The following GALNT13 variants were observed in gnomAD, a reference collection of about 807,000 sequenced individuals.
GALNT13 encodes UDP-GalNAc:polypeptide N-acetylgalactosaminyltransferase 13.
Under a neutral mutation model 64.2 loss-of-function variants are expected in GALNT13, and 28 were observed. The observed-to-expected ratio is 0.44, with a 90% CI of 0.32 to 0.60. GALNT13 has a LOEUF of 0.60. Ranked by LOEUF, GALNT13 falls within the 20% of genes least tolerant of loss-of-function variation. The pLI is 0.05. For missense variants in GALNT13, 577 were observed against 669.8 expected, an observed-to-expected ratio of 0.86 and a Z score of 1.53; for synonymous variants, 214 against 224.6, an observed-to-expected ratio of 0.95 and a Z score of 0.42.
the GALNT13 span, among the ~76,000 whole-genome samples, chr2:153,373,489 G>A: frequency 1.3e-5 from 2 of 152,048 alleles, 1 homozygote; most frequent in South Asian, 4.1e-4. Flanking sequence ...CTTCTGACCT[G>A]AGGATCCCTA....
chr2:154,416,316 GCCT>G (rs1403784210), intron 11 of GALNT13, among the ~76,000 whole-genome samples: 13 of 151,998 alleles, frequency 8.6e-5, no homozygotes, highest in Middle Eastern at 3.4e-3. Flanking sequence ...AGTTCATTGA[GCCT>G]TCTTCTTGCA....
the GALNT13 span, among the ~76,000 whole-genome samples, chr2:153,212,679 C>G: frequency 6.6e-6 from 1 of 152,098 alleles, no homozygotes; most frequent in Admixed American, 6.5e-5. Flanking sequence ...CATAATTAAA[C>G]AAAATAGAAT....
At chr2:154,150,739 G>C (rs974405298) in intron 4 of GALNT13, among the ~76,000 whole-genome samples, 4 of 152,202 alleles carry the variant, frequency 2.6e-5, no homozygotes, top group African/African-American at 9.7e-5. Flanking sequence ...AGTATTCTCA[G>C]ATGGTAGTTT....
intron 8 of GALNT13, among the ~76,000 whole-genome samples, chr2:154,261,763 A>C (rs1488743580): frequency 1.3e-5 from 2 of 152,092 alleles, no homozygotes; most frequent in Non-Finnish European, 2.9e-5. Context: ...TTCCTTTATA[A>C]ATTTATGTGT....
chr2:154,403,277 A>C (rs565962551), intron 10 of GALNT13, among the ~76,000 whole-genome samples: 1 of 152,042 alleles, frequency 6.6e-6, no homozygotes, highest in South Asian at 2.1e-4. Context: ...GCATGGTAAA[A>C]CCGCATTTCT....
chr2:154,360,662 G>T (rs960932887), intron 9 of GALNT13, among the ~76,000 whole-genome samples: 33 of 152,272 alleles, frequency 2.2e-4, no homozygotes, highest in African/African-American at 7.7e-4. Context: ...TGTCTCATAA[G>T]TCTATTGTCA....
In GALNT13 at chr2:154,280,750, C is replaced by T. The variant is rs79753819; in HGVS notation, c.976-20659C>T. ...TGGTTTGGCATGAATTCTAGGGCAG[C>T]GTCACGCAGCTGTCATGAGCCACTC... is the stretch of plus-strand genomic sequence containing the variant. On this transcript the variant is annotated intron_variant, in intron 8 of 12. Transcript: ENST00000392825. Among the ~76,000 whole-genome samples, 993 of 152,244 alleles carry T rather than the reference C, an allele frequency of 6.5e-3. 10 individuals carry two copies. Among genetic ancestry groups the T allele is most frequent in the African/African-American group, 0.023 (952 of 41,542 alleles).
the GALNT13 span, among the ~76,000 whole-genome samples, chr2:153,220,177 T>G: frequency 6.6e-6 from 1 of 152,048 alleles, no homozygotes; most frequent in Non-Finnish European, 1.5e-5. Flanking sequence ...AGGTGGCTAG[T>G]AAGGTATGAG....
At chr2:154,128,709 T>C (rs1471740106) in intron 3 of GALNT13, among the ~76,000 whole-genome samples, 1 of 151,902 alleles carries the variant, frequency 6.6e-6, no homozygotes, top group Admixed American at 6.6e-5. Flanking sequence ...AACATGGAGC[T>C]TTTTTTTCTT....
the GALNT13 span, among the ~76,000 whole-genome samples, chr2:153,504,135 T>C: frequency 6.6e-6 from 1 of 152,202 alleles, no homozygotes; most frequent in African/African-American, 2.4e-5. Context: ...AAGTATTTTA[T>C]TTTTTGCTAT....
At chr2:153,950,871 G>T (rs1053477886) in intron 3 of GALNT13, among the ~76,000 whole-genome samples, 1 of 151,766 alleles carries the variant, frequency 6.6e-6, no homozygotes, top group Non-Finnish European at 1.5e-5. Flanking sequence ...CCTGAGCATC[G>T]CACAATATAT....
the GALNT13 span, among the ~76,000 whole-genome samples, chr2:153,736,842 T>A: frequency 1.3e-5 from 2 of 152,192 alleles, no homozygotes; most frequent in Admixed American, 1.3e-4. Context: ...CTCCTGTGAC[T>A]GGCTGCCACC....
chr2:153,100,643 A>G, the GALNT13 span, among the ~76,000 whole-genome samples: 1 of 152,182 alleles, frequency 6.6e-6, no homozygotes, highest in African/African-American at 2.4e-5. Flanking sequence ...GACCTTAAAT[A>G]TTTATGTAAG....
chr2:153,568,707 CT>C, the GALNT13 span, among the ~76,000 whole-genome samples: 1 of 152,088 alleles, frequency 6.6e-6, no homozygotes, highest in Admixed American at 6.6e-5. Flanking sequence ...CTGAATACAC[CT>C]GCATAACCAC....
the GALNT13 span, among the ~76,000 whole-genome samples, chr2:153,558,962 G>A: frequency 3.3e-5 from 5 of 152,176 alleles, no homozygotes; most frequent in Non-Finnish European, 5.9e-5. Flanking sequence ...TGGAAAGTTG[G>A]ATGCTTGGTG....
intron 4 of GALNT13, among the ~76,000 whole-genome samples, chr2:154,168,205 A>G (rs775604632): frequency 1.4e-4 from 21 of 152,234 alleles, no homozygotes; most frequent in Non-Finnish European, 2.1e-4. Context: ...ATTGGTTCAC[A>G]TGATCATAGA....
At chr2:153,633,409 C>G in the GALNT13 span, among the ~76,000 whole-genome samples, 15 of 152,240 alleles carry the variant, frequency 9.9e-5, no homozygotes, top group South Asian at 3.1e-3. Flanking sequence ...AGTTTACTCC[C>G]TTTCACCATT....
At chr2:154,175,220 T>C (rs572504294) in intron 4 of GALNT13, among the ~76,000 whole-genome samples, 1 of 152,308 alleles carries the variant, frequency 6.6e-6, no homozygotes, top group Admixed American at 6.5e-5. Flanking sequence ...TAGCATTCTC[T>C]TTTCATTTTC....
the GALNT13 span, among the ~76,000 whole-genome samples, chr2:153,192,449 C>T: frequency 6.6e-6 from 1 of 152,022 alleles, no homozygotes; most frequent in Non-Finnish European, 1.5e-5. Flanking sequence ...TGTGGCCTAA[C>T]ATGTGGTCTA....
Sources: allele counts gnomAD v4.1 joint callset (sites outside exome capture counted in the v4.1 genomes callset), GRCh38; gene constraint gnomAD v4.1.1; transcripts MANE v1.5; gene names NCBI Gene and HGNC (gene_info 2026-07-23, HGNC 2026-07-21).